CDH4: variants seen among roughly 807,000 people sequenced by gnomAD.
The protein encoded by CDH4 is cadherin 4.
In CDH4, 33 loss-of-function variants were observed where a neutral mutation model predicts 86.0. The ratio of observed to expected loss-of-function variants is 0.38; its 90% CI spans 0.29 to 0.51. The LOEUF is 0.51. Ranked by LOEUF, CDH4 falls within the 20% of genes least tolerant of loss-of-function variation. The probability of loss-of-function intolerance (pLI) is 0.86; values close to 1 mark genes in which losing one functional copy is unlikely to be tolerated. For missense variants in CDH4, 1,114 were observed against 1,307.4 expected (o/e 0.85, Z 2.28); for synonymous variants, 555 against 549.4 (o/e 1.01, Z -0.14).
intron 12 of CDH4, among the ~76,000 whole-genome samples, chr20:61,929,281 G>T (rs948132649): frequency 6.6e-6 from 1 of 152,056 alleles, no homozygotes; most frequent in Non-Finnish European, 1.5e-5. Flanking sequence ...GAGATCACAG[G>T]CTTGCACCAC....
intron 2 of CDH4, among the ~76,000 whole-genome samples, chr20:61,507,062 T>C (rs1300977195): frequency 6.6e-6 from 1 of 152,236 alleles, no homozygotes; most frequent in Non-Finnish European, 1.5e-5. Flanking sequence ...TTGAGACTTT[T>C]GAGTGTTTTG....
intron 2 of CDH4, among the ~76,000 whole-genome samples, chr20:61,607,399 G>A (rs750030563): frequency 2.1e-4 from 32 of 152,026 alleles, no homozygotes; most frequent in Non-Finnish European, 4.1e-4. Flanking sequence ...GTCCTGTTTG[G>A]AAAATACACT....
chr20:61,389,594 G>A (rs576028781), intron 2 of CDH4, among the ~76,000 whole-genome samples: 3 of 152,198 alleles, frequency 2.0e-5, no homozygotes, highest in Non-Finnish European at 4.4e-5. Flanking sequence ...CTGGGAGAAC[G>A]CCTCCCAGCG....
At chr20:61,846,283 G>GC (rs1418804840) in intron 5 of CDH4, among the ~76,000 whole-genome samples, 1 of 152,198 alleles carries the variant, frequency 6.6e-6, no homozygotes, top group Non-Finnish European at 1.5e-5. Flanking sequence ...CGTGTGCTGG[G>GC]CCCCCCAGGA....
At chr20:61,636,817 G>A (rs115932255) in intron 2 of CDH4, among the ~76,000 whole-genome samples, 3,269 of 152,318 alleles carry the variant, frequency 0.021, 119 homozygotes, top group African/African-American at 0.074. Flanking sequence ...CCACAGGGGC[G>A]GTAGAATGCC....
chr20:61,396,763 G>A (rs993421442), intron 2 of CDH4, among the ~76,000 whole-genome samples: 8 of 152,196 alleles, frequency 5.3e-5, no homozygotes, highest in Middle Eastern at 3.2e-3. Context: ...AGTCGCCATA[G>A]GCACAGTGAC....
chr20:61,565,127 GGTGCTGGTCCTC>G, intron 2 of CDH4, among the ~76,000 whole-genome samples: 2 of 138,236 alleles, frequency 1.4e-5, no homozygotes, highest in Admixed American at 7.2e-5. Context: ...TGCTCTTGGT[GGTGCTGGTCCTC>G]TTGGTGTTGG....
intron 2 of CDH4, among the ~76,000 whole-genome samples, chr20:61,655,750 G>A (rs1181896742): frequency 6.6e-6 from 1 of 152,238 alleles, no homozygotes; most frequent in East Asian, 1.9e-4. Context: ...CCTGGGCATG[G>A]GGATGCTGCA....
intron 2 of CDH4, among the ~76,000 whole-genome samples, chr20:61,532,958 C>G (rs2085967037): frequency 6.6e-6 from 1 of 152,036 alleles, no homozygotes; most frequent in Admixed American, 6.5e-5. Context: ...GGCTGTGGTT[C>G]TTATCTCAGG....
intron 2 of CDH4, among the ~76,000 whole-genome samples, chr20:61,496,133 C>T (rs112804882): frequency 0.031 from 4,645 of 152,166 alleles, 119 homozygotes; most frequent in Non-Finnish European, 0.047. Context: ...GCCACAGTGG[C>T]TCACTCTTGT....
intron 2 of CDH4, among the ~76,000 whole-genome samples, chr20:61,539,965 C>T (rs984044887): frequency 2.6e-5 from 4 of 152,210 alleles, no homozygotes; most frequent in African/African-American, 9.6e-5. Context: ...AATTCCCTCC[C>T]AGCTTCCCAC....
intron 2 of CDH4, among the ~76,000 whole-genome samples, chr20:61,310,677 C>A (rs989625294): frequency 6.6e-6 from 1 of 150,674 alleles, no homozygotes; most frequent in Non-Finnish European, 1.5e-5. Flanking sequence ...GCTTAAACAA[C>A]AGGAGGTCGT....
At chr20:61,786,461 G>GC (rs1231756247) in intron 4 of CDH4, among the ~76,000 whole-genome samples, 1 of 152,128 alleles carries the variant, frequency 6.6e-6, no homozygotes, top group African/African-American at 2.4e-5. Context: ...GGACTCTACT[G>GC]CCCTGGGTTG....
chr20:61,870,207 C>T (rs950265539), intron 6 of CDH4, among the ~76,000 whole-genome samples: 6 of 152,180 alleles, frequency 3.9e-5, no homozygotes, highest in South Asian at 2.1e-4. Flanking sequence ...CACCGCTGTC[C>T]GATGCGTGAC....
intron 2 of CDH4, among the ~76,000 whole-genome samples, chr20:61,511,438 A>T (rs1032735971): frequency 1.6e-4 from 25 of 152,306 alleles, no homozygotes; most frequent in Non-Finnish European, 2.5e-4. Flanking sequence ...AATTCATTTT[A>T]AAAAAGTCCT....
chr20:61,793,881 G>A (rs1240903875), intron 4 of CDH4, among the ~76,000 whole-genome samples: 11 of 147,926 alleles, frequency 7.4e-5, no homozygotes, highest in African/African-American at 2.3e-4. Context: ...GCTCACTCCT[G>A]TAATCCCAGC....
chr20:61,504,918 G>A (rs1421343058), intron 2 of CDH4, among the ~76,000 whole-genome samples: 1 of 152,192 alleles, frequency 6.6e-6, no homozygotes, highest in Non-Finnish European at 1.5e-5. Context: ...AGAAGTGTCT[G>A]GTTTAATGGG....
chr20:61,461,197 TA>T (rs76632080), intron 2 of CDH4, among the ~76,000 whole-genome samples: 51 of 151,864 alleles, frequency 3.4e-4, no homozygotes, highest in East Asian at 3.3e-3. Flanking sequence ...CATTTTTTTT[TA>T]AAAAAAATGC....
chr20:61,542,080 A>G (rs2086043579), intron 2 of CDH4, among the ~76,000 whole-genome samples: 1 of 152,146 alleles, frequency 6.6e-6, no homozygotes, highest in African/African-American at 2.4e-5. Context: ...GCAGCCGGGA[A>G]TGCTGAGCCC....
Sources: gnomAD v4.1 joint callset for allele counts (sites outside exome capture counted in the v4.1 genomes callset) on GRCh38, gnomAD v4.1.1 for gene constraint, MANE v1.5 for transcripts, NCBI Gene and HGNC (gene_info 2026-07-23, HGNC 2026-07-21) for gene names.